The following SCN8A variants were observed in gnomAD, a reference collection of about 807,000 sequenced individuals.
SCN8A encodes the protein sodium voltage-gated channel alpha subunit 8.
In SCN8A, 30 loss-of-function variants were observed where a neutral mutation model predicts 184.1. The observed-to-expected ratio is 0.16, with a 90% CI of 0.12 to 0.22. The LOEUF is 0.22. Ranked by LOEUF, SCN8A falls within the 10% of genes least tolerant of loss-of-function variation. The pLI is 1.00. For missense variants in SCN8A, 1,057 were observed against 2,498.9 expected, an observed-to-expected ratio of 0.42 and a Z score of 12.30; for synonymous variants, 852 against 907.0, an observed-to-expected ratio of 0.94 and a Z score of 1.09.
chr12:51,803,685 T>C (rs1938617206), intron 26 of SCN8A, among the ~76,000 whole-genome samples: 1 of 152,192 alleles, frequency 6.6e-6, no homozygotes, highest in African/African-American at 2.4e-5. Context: ...ATATATGGGC[T>C]GCAAGTATCA....
intron 20 of SCN8A, among the ~76,000 whole-genome samples, chr12:51,777,541 G>C (rs1937742638): frequency 6.6e-6 from 1 of 152,128 alleles, no homozygotes; most frequent in Non-Finnish European, 1.5e-5. Flanking sequence ...ATCTCCAGGA[G>C]GGGCTTAACA....
intron 14 of SCN8A, among the ~76,000 whole-genome samples, chr12:51,751,970 T>G (rs986254367): frequency 3.3e-5 from 5 of 152,140 alleles, no homozygotes; most frequent in African/African-American, 4.8e-5. Flanking sequence ...TCACCTTAAG[T>G]AACATCTACC....
At position 51,807,528 on chromosome 12, in the gene SCN8A, A is replaced by T; in HGVS notation, c.*99A>T. On this transcript the variant is annotated 3_prime_UTR_variant, in exon 27 of 27. Coordinates refer to ENST00000627620, the MANE Select transcript of SCN8A (RefSeq NM_001330260.2). The surrounding 1 kb of genome is among the most constrained non-coding windows in gnomAD (Gnocchi z 4.5). ...TTATCAATGCAGAACAGCTGTGGAG[A>T]CTCTAACCTGAAGATCTATACCAAA... 1 of 1,259,754 alleles carries T rather than the reference A, an allele frequency of 7.9e-7. No homozygotes were observed. Among genetic ancestry groups the T allele is most frequent in the Admixed American group, 2.0e-5 (1 of 49,820 alleles). The allele number at this position is 1,259,754 out of a possible 1,614,324, so 78.0% of individuals were successfully genotyped here. A position where few individuals can be genotyped will look rare whatever the true frequency, so the allele number is the denominator to read the frequency against.
At chr12:51,781,163 G>A (rs185821657) in intron 21 of SCN8A, among the ~76,000 whole-genome samples, 2 of 152,320 alleles carry the variant, frequency 1.3e-5, no homozygotes, top group Non-Finnish European at 2.9e-5. Context: ...AGAGTGCTGT[G>A]TAGGGGCATC....
chr12:51,696,102 A>G (rs935920743), intron 6 of SCN8A, among the ~76,000 whole-genome samples: 3 of 152,248 alleles, frequency 2.0e-5, no homozygotes, highest in East Asian at 3.8e-4. Context: ...ACTAATACAA[A>G]AGACAGCTTA....
chr12:51,599,689 G>A (rs544110249), intron 1 of SCN8A, among the ~76,000 whole-genome samples: 2 of 152,318 alleles, frequency 1.3e-5, no homozygotes, highest in South Asian at 2.1e-4. Context: ...AATAGAGCAA[G>A]GAATGGACAT....
chr12:51,727,309 TA>T (rs1383462723), intron 12 of SCN8A, among the ~76,000 whole-genome samples: 10 of 147,578 alleles, frequency 6.8e-5, no homozygotes, highest in South Asian at 2.1e-4. Flanking sequence ...CAGGTTGAAT[TA>T]AAAAAAAAAT....
intron 1 of SCN8A, among the ~76,000 whole-genome samples, chr12:51,656,126 G>A (rs1231481458): frequency 6.6e-6 from 1 of 152,162 alleles, no homozygotes; most frequent in African/African-American, 2.4e-5. Context: ...TTTAATGGAT[G>A]AATAGAACTT....
intron 25 of SCN8A, 75 bp from the exon 26 acceptor site, chr12:51,794,296 A>T: frequency 6.9e-7 from 1 of 1,450,418 alleles, no homozygotes; most frequent in Non-Finnish European, 9.4e-7. Context: ...CTCGATTAGC[A>T]GGGTGACAGC....
intron 1 of SCN8A, among the ~76,000 whole-genome samples, chr12:51,647,252 T>A (rs1455102993): frequency 6.6e-6 from 1 of 152,250 alleles, no homozygotes; most frequent in Non-Finnish European, 1.5e-5. Flanking sequence ...TAGTTACTTA[T>A]GGATAATCAT....
chr12:51,663,902 G>GTTTTTTT (rs1940974819), intron 2 of SCN8A, among the ~76,000 whole-genome samples: 1 of 58,738 alleles, frequency 1.7e-5, no homozygotes, highest in Non-Finnish European at 4.4e-5. Context: ...TCATTTGACA[G>GTTTTTTT]ATTTTTTTTT....
chr12:51,620,765 A>G (rs1939942914), intron 1 of SCN8A, among the ~76,000 whole-genome samples: 1 of 151,684 alleles, frequency 6.6e-6, no homozygotes, highest in South Asian at 2.1e-4. Context: ...AAGCAAGAGG[A>G]TCGCTTGAGC....
chr12:51,733,810 G>A (rs1942280784), intron 12 of SCN8A, among the ~76,000 whole-genome samples: 3 of 152,236 alleles, frequency 2.0e-5, no homozygotes, highest in East Asian at 3.9e-4. Flanking sequence ...GGTTGAATGT[G>A]TCTAGGAATT....
intron 12 of SCN8A, among the ~76,000 whole-genome samples, chr12:51,731,605 C>T (rs1449264694): frequency 2.0e-5 from 3 of 152,142 alleles, no homozygotes; most frequent in African/African-American, 2.4e-5. Context: ...GATTCCGGAT[C>T]GTAAGGTAGC....
At chr12:51,741,635 G>A (rs1487124098) in intron 12 of SCN8A, among the ~76,000 whole-genome samples, 1 of 151,998 alleles carries the variant, frequency 6.6e-6, no homozygotes, top group African/African-American at 2.4e-5. Flanking sequence ...TATCCGTTGT[G>A]TGTTTTTCAA....
intron 1 of SCN8A, among the ~76,000 whole-genome samples, chr12:51,644,580 C>T (rs557193461): frequency 2.2e-4 from 33 of 152,298 alleles, no homozygotes; most frequent in Middle Eastern, 3.4e-3. Context: ...GATCTCGGCT[C>T]GCTACAACCT....
At chr12:51,707,871 C>G (rs1247908622) in intron 11 of SCN8A, among the ~76,000 whole-genome samples, 1 of 151,952 alleles carries the variant, frequency 6.6e-6, no homozygotes, top group Admixed American at 6.6e-5. Context: ...TTTTGTTTTC[C>G]CCTTTGGCCC....
In SCN8A at chr12:51,794,554, G is replaced by A. The variant is rs1253616121; in HGVS notation, c.4708G>A (p.Val1570Met). The change falls in exon 26 of 27, where the codon GTG becomes ATG. Residue 1570 changes from valine to methionine, a missense_variant. Val to Met is a conservative substitution (Grantham distance 21). This residue lies in a region of SCN8A where 34 missense variants were observed against 64.0 expected (regional missense o/e 0.53). Coordinates refer to ENST00000627620, the MANE Select transcript of SCN8A (RefSeq NM_001330260.2). ...VFVIFFTCECVLKMFALRHYY... is the reference protein window; with the variant it reads ...VFVIFFTCECMLKMFALRHYY... ...TGTTATCTTCTTCACCTGTGAGTGT[G>A]TGCTCAAAATGTTTGCGTTGAGGCA... 2 of 1,613,848 alleles carry A rather than the reference G, an allele frequency of 1.2e-6. No homozygotes were observed. Among genetic ancestry groups the A allele is most frequent in the East Asian group, 2.2e-5 (1 of 44,888 alleles).
intron 13 of SCN8A, among the ~76,000 whole-genome samples, chr12:51,749,633 CG>C (rs1420639537): frequency 1.3e-5 from 2 of 152,050 alleles, no homozygotes; most frequent in African/African-American, 4.8e-5. Context: ...CAGCCTCCCA[CG>C]TGGCGCTTAC....
Sources: allele counts gnomAD v4.1 joint callset (sites outside exome capture counted in the v4.1 genomes callset), GRCh38; gene constraint gnomAD v4.1.1; regional missense constraint gnomAD v4.1.1; non-coding constraint Gnocchi (gnomAD v3.1); transcripts MANE v1.5; gene names NCBI Gene and HGNC (gene_info 2026-07-23, HGNC 2026-07-21).